The following PIGU variants were observed in gnomAD, a reference collection of about 807,000 sequenced individuals.
The protein encoded by PIGU is GPI-anchor transamidase component PIGU.
Under a neutral mutation model 49.9 loss-of-function variants are expected in PIGU, and 24 were observed. The ratio of observed to expected loss-of-function variants is 0.48; its 90% confidence interval spans 0.35 to 0.68. The LOEUF is 0.68. Ranked by LOEUF, PIGU falls within the 30% of genes least tolerant of loss-of-function variation. The pLI is 0.01. For missense variants in PIGU, 490 were observed against 532.6 expected (o/e 0.92, Z 0.79); for synonymous variants, 220 against 205.7 (o/e 1.07, Z -0.59).
intron 5 of PIGU, among the ~76,000 whole-genome samples, chr20:34,637,401 G>A (rs1986001838): frequency 6.6e-6 from 1 of 152,172 alleles, no homozygotes; most frequent in South Asian, 2.1e-4. Context: ...CTTTCATAGA[G>A]CCTCAGTAAG....
intron 6 of PIGU, among the ~76,000 whole-genome samples, chr20:34,633,163 C>T (rs1413322262): frequency 2.6e-5 from 4 of 152,100 alleles, no homozygotes; most frequent in Non-Finnish European, 5.9e-5. Flanking sequence ...GATACTGATT[C>T]AATAAAAACT....
intron 1 of PIGU, among the ~76,000 whole-genome samples, chr20:34,665,438 C>T (rs1487346196): frequency 6.6e-6 from 1 of 151,340 alleles, no homozygotes; most frequent in African/African-American, 2.4e-5. Context: ...CTCCTGACCT[C>T]GTGATCCGCC....
chr20:34,595,233 T>C (rs894733421), intron 7 of PIGU, among the ~76,000 whole-genome samples: 1 of 151,702 alleles, frequency 6.6e-6, no homozygotes, highest in Non-Finnish European at 1.5e-5. Context: ...GGGTTCCACA[T>C]CTATGGATTC....
At position 34,560,895 on chromosome 20, in the gene PIGU, C is replaced by T. The variant is rs116115328; in HGVS notation, c.1279G>A (p.Gly427Ser). 1.2e-6 allele frequency: 2 copies of T among 1,612,068 alleles called. No individual in the cohort carries two copies. Among genetic ancestry groups the T allele is most frequent in the African/African-American group, 1.3e-5 (1 of 75,008 alleles). Residue 427 changes from glycine to serine, a missense_variant, in exon 12 of 12, where the codon GGC becomes AGC. Physicochemically the swap from Gly to Ser is moderately conservative, Grantham distance 56. Coordinates refer to ENST00000217446, the MANE Select transcript of PIGU (RefSeq NM_080476.5). Reference protein sequence around the residue: ...THGLYLTAKDGTEAMLVLK With the variant: ...THGLYLTAKDSTEAMLVLK ...TTGAGCACGAGCATGGCCTCTGTGC[C>T]ATCCTTGGCGGTCAAGTAGAGGCCA...
rs1448770323 is a variant in PIGU, at chr20:34,638,073, T to C, written c.319-88A>G. 6.2e-6 allele frequency: 9 copies of C among 1,459,802 alleles called. No individual in the cohort carries two copies. In the East Asian group the frequency reaches 1.5e-4, roughly 24 times the overall value. 90.4% of individuals were successfully genotyped at this position (1,459,802 alleles called of 1,614,324 possible). A position where few individuals can be genotyped will look rare whatever the true frequency, so the allele number is the denominator to read the frequency against. The stretch of plus-strand genomic sequence containing the variant: ...ATGCTGAAGACAAAAGTCCTTTCCA[T>C]GGCCCACATGGCCCTGCCTGGTCTG... On this transcript the variant is annotated intron_variant, in intron 4 of 11. Transcript: ENST00000217446.
chr20:34,613,086 G>A (rs1374763534), intron 7 of PIGU, among the ~76,000 whole-genome samples: 5 of 152,174 alleles, frequency 3.3e-5, no homozygotes, highest in South Asian at 4.1e-4. Flanking sequence ...ACATACAGAC[G>A]GTTACCAAGC....
chr20:34,641,726 C>T (rs1004306021), intron 4 of PIGU, among the ~76,000 whole-genome samples: 7 of 151,896 alleles, frequency 4.6e-5, no homozygotes, highest in African/African-American at 1.7e-4. Flanking sequence ...CCAGACTATG[C>T]GATATGAACC....
chr20:34,620,444 C>T (rs1037580495), intron 6 of PIGU, among the ~76,000 whole-genome samples: 19 of 152,110 alleles, frequency 1.2e-4, no homozygotes, highest in African/African-American at 4.3e-4. Context: ...TGGTAACAAC[C>T]GTTGATTATA....
intron 10 of PIGU, 51 bp from the exon 11 acceptor site, chr20:34,575,297 T>C: frequency 6.3e-7 from 1 of 1,587,746 alleles, no homozygotes; most frequent in South Asian, 1.1e-5. Flanking sequence ...TCTGGCATGC[T>C]TTCCCTGCTG....
chr20:34,596,094 G>C (rs1027864318), intron 7 of PIGU, among the ~76,000 whole-genome samples: 5 of 152,190 alleles, frequency 3.3e-5, no homozygotes, highest in African/African-American at 9.7e-5. Context: ...ACGTCACCAA[G>C]TGATCAAGGT....
intron 11 of PIGU, among the ~76,000 whole-genome samples, chr20:34,572,865 CT>C (rs1983071750): frequency 6.6e-6 from 1 of 152,182 alleles, no homozygotes; most frequent in African/African-American, 2.4e-5. Context: ...AAAAAACCCT[CT>C]TTATGTACCT....
chr20:34,597,696 A>T (rs956815096), intron 7 of PIGU, among the ~76,000 whole-genome samples: 6 of 152,252 alleles, frequency 3.9e-5, no homozygotes, highest in Admixed American at 3.3e-4. Context: ...TATGAAAAAT[A>T]AGACTGACTG....
intron 1 of PIGU, among the ~76,000 whole-genome samples, chr20:34,675,496 T>A (rs1987471228): frequency 6.6e-6 from 1 of 152,174 alleles, no homozygotes; most frequent in Admixed American, 6.6e-5. Context: ...TTACTATCTT[T>A]ATTACCATTC....
chr20:34,569,239 T>A (rs970283537), intron 11 of PIGU, among the ~76,000 whole-genome samples: 20 of 152,032 alleles, frequency 1.3e-4, no homozygotes, highest in Admixed American at 2.0e-4. Flanking sequence ...TTAAAAAAAA[T>A]TTTTTTGAGA....
At chr20:34,671,380 A>T (rs1048792973) in intron 1 of PIGU, among the ~76,000 whole-genome samples, 6 of 151,096 alleles carry the variant, frequency 4.0e-5, no homozygotes, top group African/African-American at 1.5e-4. Flanking sequence ...TCCTGCCTCA[A>T]CCTCCCAAGT....
chr20:34,634,060 C>G (rs1386168892), intron 6 of PIGU, among the ~76,000 whole-genome samples: 1 of 151,754 alleles, frequency 6.6e-6, no homozygotes, highest in South Asian at 2.1e-4. Context: ...TAATCATAAG[C>G]CTTTTAGAAC....
chr20:34,662,378 C>G lies in PIGU; in HGVS notation c.131-5134G>C, dbSNP rs1029505797. Among the ~76,000 whole-genome samples the G allele has an allele frequency of 2.7e-5, 4 of 150,824 alleles. No individual in the cohort carries two copies. In the South Asian group the frequency reaches 6.3e-4, roughly 24 times the overall value. On this transcript the variant is annotated intron_variant, in intron 1 of 11. Coordinates refer to ENST00000217446, the MANE Select transcript of PIGU (RefSeq NM_080476.5). ...GTGCTGGAATTACAGGTATGAGCCA[C>G]CATGCCCAGCCCTTTGCCTTTTTTT... is the stretch of plus-strand genomic sequence containing the variant.
chr20:34,666,854 G>A (rs561299944), intron 1 of PIGU, among the ~76,000 whole-genome samples: 1 of 151,816 alleles, frequency 6.6e-6, no homozygotes, highest in Non-Finnish European at 1.5e-5. Context: ...CTGCCACCAC[G>A]CCAGGCTAAT....
At chr20:34,631,260 T>C (rs1691711476) in intron 6 of PIGU, among the ~76,000 whole-genome samples, 1 of 151,618 alleles carries the variant, frequency 6.6e-6, no homozygotes, top group Admixed American at 6.6e-5. Context: ...CCAGAAAAAG[T>C]AAGAGAAAGT....
Sources: gnomAD v4.1 joint callset for allele counts (sites outside exome capture counted in the v4.1 genomes callset) on GRCh38, gnomAD v4.1.1 for gene constraint, MANE v1.5 for transcripts, NCBI Gene and HGNC (gene_info 2026-07-23, HGNC 2026-07-21) for gene names.